FGF14: variants seen among roughly 807,000 people sequenced by gnomAD.
FGF14 encodes fibroblast growth factor homologous factor 4.
A neutral mutation model predicts 25.5 loss-of-function variants in FGF14; 5 were observed. The ratio of observed to expected loss-of-function variants is 0.20; its 90% confidence interval spans 0.10 to 0.41. FGF14 has a LOEUF of 0.41. Among genes scored for constraint, FGF14 ranks in the 10% least tolerant of loss-of-function variants. The pLI is 1.00. For missense variants in FGF14, 222 were observed against 320.1 expected (o/e 0.69, Z 2.34); for synonymous variants, 138 against 118.3 (o/e 1.17, Z -1.08).
intron 1 of FGF14, among the ~76,000 whole-genome samples, chr13:102,176,334 G>A (rs939988928): frequency 5.3e-5 from 8 of 151,876 alleles, no homozygotes; most frequent in South Asian, 2.1e-4. Flanking sequence ...ACCAAATACC[G>A]TATGTCCTCA....
At chr13:102,390,209 A>C (rs1316289061) in intron 1 of FGF14, among the ~76,000 whole-genome samples, 1 of 152,170 alleles carries the variant, frequency 6.6e-6, no homozygotes, top group African/African-American at 2.4e-5. Context: ...ACAGAATGGA[A>C]ATAAGAAAAA....
chr13:102,115,217 T>C (rs1355153733), intron 1 of FGF14, among the ~76,000 whole-genome samples: 2 of 152,152 alleles, frequency 1.3e-5, no homozygotes, highest in Admixed American at 6.5e-5. Context: ...GAACAGGTTT[T>C]GTCACAGAGG....
intron 1 of FGF14, among the ~76,000 whole-genome samples, chr13:102,368,482 G>A (rs1265378891): frequency 1.3e-5 from 2 of 152,046 alleles, no homozygotes; most frequent in Admixed American, 1.3e-4. Context: ...TTATGACCAC[G>A]GGGGGTTCAG....
chr13:101,909,988 C>A (rs1594691967), intron 1 of FGF14, among the ~76,000 whole-genome samples: 1 of 151,580 alleles, frequency 6.6e-6, no homozygotes, highest in East Asian at 2.0e-4. Flanking sequence ...AAACTATCAC[C>A]AGGACAAAAA....
At chr13:102,338,824 G>T (rs1594891392) in intron 1 of FGF14, among the ~76,000 whole-genome samples, 3 of 152,002 alleles carry the variant, frequency 2.0e-5, no homozygotes, top group Admixed American at 6.6e-5. Context: ...GACCAGCCTA[G>T]CCAACATGGT....
At chr13:102,053,520 G>T (rs933763665) in intron 1 of FGF14, among the ~76,000 whole-genome samples, 1 of 152,082 alleles carries the variant, frequency 6.6e-6, no homozygotes, top group African/African-American at 2.4e-5. Flanking sequence ...AAAATGTCTT[G>T]AGATAAACAA....
At chr13:102,141,192 T>G (rs1180103123) in intron 1 of FGF14, among the ~76,000 whole-genome samples, 1 of 152,198 alleles carries the variant, frequency 6.6e-6, no homozygotes, top group East Asian at 1.9e-4. Context: ...GGGAGTCTAT[T>G]CCTGGCCCAA....
At chr13:102,079,966 C>A (rs1180034875) in intron 1 of FGF14, among the ~76,000 whole-genome samples, 3 of 152,024 alleles carry the variant, frequency 2.0e-5, no homozygotes, top group African/African-American at 4.8e-5. Context: ...TGAGACATGG[C>A]CAGTAGACTG....
intron 1 of FGF14, among the ~76,000 whole-genome samples, chr13:102,105,765 A>C (rs1444600260): frequency 2.0e-5 from 3 of 152,222 alleles, no homozygotes; most frequent in African/African-American, 7.2e-5. Context: ...ACTGCCTGTC[A>C]TTTTGTAAAC....
At chr13:101,761,033 T>C (rs965761299) in intron 3 of FGF14, among the ~76,000 whole-genome samples, 1 of 152,236 alleles carries the variant, frequency 6.6e-6, no homozygotes, top group African/African-American at 2.4e-5. Flanking sequence ...TCTAATACAG[T>C]AATCTTACTT....
intron 2 of FGF14, among the ~76,000 whole-genome samples, chr13:101,872,619 GAAGTT>G (rs548181121): frequency 2.6e-5 from 4 of 152,146 alleles, no homozygotes; most frequent in African/African-American, 9.6e-5. Context: ...ACATAAAAAT[GAAGTT>G]AATTAGTAAT....
At chr13:102,070,229 G>C (rs1463892886) in intron 1 of FGF14, among the ~76,000 whole-genome samples, 1 of 152,148 alleles carries the variant, frequency 6.6e-6, no homozygotes, top group Non-Finnish European at 1.5e-5. Context: ...TATCAGAATA[G>C]ACATTTCTCA....
chr13:101,896,935 G>T (rs534999125), intron 1 of FGF14, among the ~76,000 whole-genome samples: 1 of 152,228 alleles, frequency 6.6e-6, no homozygotes, highest in East Asian at 1.9e-4. Context: ...CATTGAAACT[G>T]CTTCTAGGCA....
At chr13:102,250,619 G>T (rs2141067936) in intron 1 of FGF14, among the ~76,000 whole-genome samples, 1 of 152,256 alleles carries the variant, frequency 6.6e-6, no homozygotes, top group Non-Finnish European at 1.5e-5. Context: ...TATATTAAAA[G>T]CCCTGAGAAA....
chr13:101,837,691 A>T (rs565116959), intron 3 of FGF14, among the ~76,000 whole-genome samples: 1 of 152,110 alleles, frequency 6.6e-6, no homozygotes, highest in Admixed American at 6.6e-5. Context: ...AAACTTCCTT[A>T]AAATAATCTA....
intron 1 of FGF14, among the ~76,000 whole-genome samples, chr13:102,376,359 A>C (rs1036506790): frequency 8.5e-5 from 13 of 152,184 alleles, no homozygotes; most frequent in Non-Finnish European, 1.3e-4. Flanking sequence ...CTGTGAGTCA[A>C]TTAAACCTCT....
intron 1 of FGF14, among the ~76,000 whole-genome samples, chr13:101,972,966 T>A (rs1480512889): frequency 6.6e-6 from 1 of 151,996 alleles, no homozygotes; most frequent in African/African-American, 2.4e-5. Flanking sequence ...AAACAGGAGG[T>A]CTGAGATTTG....
At chr13:102,330,323 C>T (rs984100464) in intron 1 of FGF14, among the ~76,000 whole-genome samples, 1 of 152,102 alleles carries the variant, frequency 6.6e-6, no homozygotes, top group African/African-American at 2.4e-5. Flanking sequence ...TATTGTGAAC[C>T]AATTTTCTCT....
At chr13:101,812,326 A>G (rs943664210) in intron 3 of FGF14, among the ~76,000 whole-genome samples, 2 of 152,094 alleles carry the variant, frequency 1.3e-5, no homozygotes, top group Non-Finnish European at 2.9e-5. Context: ...TGAATAGGGT[A>G]CAGAGGAAAT....
Sources: allele counts gnomAD v4.1 joint callset (sites outside exome capture counted in the v4.1 genomes callset), GRCh38; gene constraint gnomAD v4.1.1; transcripts MANE v1.5; gene names NCBI Gene and HGNC (gene_info 2026-07-23, HGNC 2026-07-21).